The following CSMD1 variants were observed in gnomAD, a reference collection of about 807,000 sequenced individuals.
CSMD1 encodes CUB and Sushi multiple domains 1.
In CSMD1, 213 loss-of-function variants were observed where a neutral mutation model predicts 417.5. The observed-to-expected ratio is 0.51, with a 90% CI of 0.46 to 0.57. CSMD1 has a LOEUF of 0.57. Among genes scored for constraint, CSMD1 ranks in the 20% least tolerant of loss-of-function variants. The pLI is 0.00. For missense variants in CSMD1, 6,923 were observed against 4,529.7 expected (o/e 1.53, Z -15.17); for synonymous variants, 2,862 against 1,736.8 (o/e 1.65, Z -16.11).
At chr8:3,628,980 G>C (rs1259219658) in intron 7 of CSMD1, among the ~76,000 whole-genome samples, 3 of 151,952 alleles carry the variant, frequency 2.0e-5, no homozygotes, top group Non-Finnish European at 4.4e-5. Flanking sequence ...AAGGGAAGGA[G>C]GATAGAGAAA....
At chr8:4,195,561 T>G (rs547928927) in intron 3 of CSMD1, among the ~76,000 whole-genome samples, 16 of 152,122 alleles carry the variant, frequency 1.1e-4, no homozygotes, top group African/African-American at 3.6e-4. Flanking sequence ...GTCTGACCAA[T>G]AGTATATGGT....
intron 7 of CSMD1, chr8:3,700,754 A>C (rs1270476081): frequency 6.6e-6 from 1 of 152,290 alleles, no homozygotes. Flanking sequence ...CAATGTCCTC[A>C]AGAAACAGCC....
intron 1 of CSMD1, among the ~76,000 whole-genome samples, chr8:4,970,332 T>C (rs978565508): frequency 5.9e-5 from 9 of 152,132 alleles, no homozygotes; most frequent in Admixed American, 1.3e-4. Context: ...AGGGGATGTG[T>C]ATTAAAGTAC....
intron 10 of CSMD1, among the ~76,000 whole-genome samples, chr8:3,540,214 A>C (rs924586975): frequency 2.6e-5 from 4 of 152,240 alleles, no homozygotes; most frequent in Admixed American, 2.0e-4. Context: ...TTTTAGGCTT[A>C]TTAAACAATG....
rs79179082 is a variant in CSMD1, at chr8:4,421,201, T to C, written c.303-1136A>G. Among the ~76,000 whole-genome samples, 88 of 152,212 alleles carry C rather than the reference T, an allele frequency of 5.8e-4. 1 individual carries two copies. In the East Asian group the frequency reaches 0.015, roughly 26 times the overall value. On this transcript the variant is annotated intron_variant, in intron 2 of 69. Coordinates refer to ENST00000635120, the MANE Select transcript of CSMD1 (RefSeq NM_033225.6). ...GTACTTTATGTGTTAGCGAACGCAA[T>C]ACAGAAGACAAGTCAGTGAAGCAAA...
intron 3 of CSMD1, among the ~76,000 whole-genome samples, chr8:4,060,610 C>T (rs569365174): frequency 6.6e-6 from 1 of 152,120 alleles, no homozygotes; most frequent in Non-Finnish European, 1.5e-5. Context: ...ACTGTCCCAG[C>T]CACCTTAGCG....
chr8:4,787,414 G>A, intron 1 of CSMD1: 1 of 750,138 alleles, frequency 1.3e-6, no homozygotes, highest in Non-Finnish European at 2.4e-6. Flanking sequence ...TCCTCCTGCA[G>A]TCCAAGGACA....
intron 12 of CSMD1, among the ~76,000 whole-genome samples, chr8:3,456,063 C>T (rs1182854339): frequency 6.6e-6 from 1 of 152,180 alleles, no homozygotes; most frequent in Non-Finnish European, 1.5e-5. Context: ...TCTGAGACTG[C>T]TGTCTCAGCA....
At chr8:3,510,442 T>A (rs1797016772) in intron 10 of CSMD1, among the ~76,000 whole-genome samples, 1 of 151,852 alleles carries the variant, frequency 6.6e-6, no homozygotes, top group Admixed American at 6.5e-5. Context: ...TGGGGTAAGT[T>A]ACTCAGCCCA....
chr8:4,045,220 A>C (rs557460726), intron 3 of CSMD1, among the ~76,000 whole-genome samples: 1 of 152,308 alleles, frequency 6.6e-6, no homozygotes, highest in Non-Finnish European at 1.5e-5. Flanking sequence ...TGTGGGCGAC[A>C]GTTGTCCCAT....
chr8:2,972,232 G>A (rs1004042349), intron 57 of CSMD1, among the ~76,000 whole-genome samples: 1 of 152,064 alleles, frequency 6.6e-6, no homozygotes, highest in Non-Finnish European at 1.5e-5. Context: ...TATAGTCAAG[G>A]ACAATAAATG....
At chr8:3,835,431 A>C (rs1322974349) in intron 5 of CSMD1, among the ~76,000 whole-genome samples, 1 of 151,996 alleles carries the variant, frequency 6.6e-6, no homozygotes, top group Non-Finnish European at 1.5e-5. Context: ...ACATGGATGA[A>C]AGTGGAAACC....
chr8:4,211,221 G>C (rs1045477618), intron 3 of CSMD1, among the ~76,000 whole-genome samples: 6 of 151,072 alleles, frequency 4.0e-5, no homozygotes, highest in African/African-American at 1.5e-4. Flanking sequence ...TTTTTAGCTG[G>C]CATAAATTAA....
At chr8:4,970,675 A>T (rs531679185) in intron 1 of CSMD1, among the ~76,000 whole-genome samples, 1 of 152,118 alleles carries the variant, frequency 6.6e-6, no homozygotes, top group Admixed American at 6.6e-5. Flanking sequence ...AAAAGTTATA[A>T]ATAAATAGCC....
At chr8:4,068,020 G>A (rs937605574) in intron 3 of CSMD1, among the ~76,000 whole-genome samples, 20 of 152,094 alleles carry the variant, frequency 1.3e-4, no homozygotes, top group Admixed American at 1.2e-3. Flanking sequence ...GGCGAAGGTT[G>A]CAGTGAGCCG....
At chr8:3,546,034 C>T (rs751757880) in intron 10 of CSMD1, among the ~76,000 whole-genome samples, 2 of 152,148 alleles carry the variant, frequency 1.3e-5, no homozygotes, top group African/African-American at 2.4e-5. Context: ...TCTAATAAAC[C>T]AAAATGCAGT....
At chr8:4,646,740 A>G (rs909907033) in intron 1 of CSMD1, among the ~76,000 whole-genome samples, 4 of 152,324 alleles carry the variant, frequency 2.6e-5, no homozygotes, top group East Asian at 1.9e-4. Flanking sequence ...GAAATGTTAA[A>G]AAGTCATACT....
intron 5 of CSMD1, among the ~76,000 whole-genome samples, chr8:3,817,053 A>G (rs1193628880): frequency 6.6e-6 from 1 of 152,054 alleles, no homozygotes; most frequent in Non-Finnish European, 1.5e-5. Flanking sequence ...AGAGAAAGAA[A>G]CAGGGTGAAG....
intron 7 of CSMD1, among the ~76,000 whole-genome samples, chr8:3,658,295 A>G (rs1428712811): frequency 6.6e-6 from 1 of 152,074 alleles, no homozygotes; most frequent in African/African-American, 2.4e-5. Context: ...GTATTTGTGT[A>G]TAAACAATGG....
Sources: gnomAD v4.1 joint callset for allele counts (sites outside exome capture counted in the v4.1 genomes callset) on GRCh38, gnomAD v4.1.1 for gene constraint, MANE v1.5 for transcripts, NCBI Gene and HGNC (gene_info 2026-07-23, HGNC 2026-07-21) for gene names.